Variants in SLC45A1 observed in about 807,000 individuals in gnomAD.
SLC45A1 encodes proton-associated sugar transporter A.
SLC45A1 carries 28 observed loss-of-function variants against 57.6 expected under a neutral mutation model. That is an observed-to-expected ratio of 0.49 (90% confidence interval 0.36 to 0.67). The LOEUF (loss-of-function observed/expected upper bound fraction) is 0.67. Among genes scored for constraint, SLC45A1 ranks in the 30% least tolerant of loss-of-function variants. The probability of loss-of-function intolerance (pLI) is 0.00; values close to 1 mark genes in which losing one functional copy is unlikely to be tolerated. For synonymous variants in SLC45A1, 459 were observed against 471.5 expected, an observed-to-expected ratio of 0.97 and a Z score of 0.34; for missense variants, 814 against 1,041.5, an observed-to-expected ratio of 0.78 and a Z score of 3.01.
rs1430893049 is a variant in SLC45A1, at chr1:8,335,987, GC to G, written c.1597+399del. ...GTCTTCAAGCACAGACCCCACACCT[GC>G]CTGCCCGTGTCTATTGCTGTTTGTA... On this transcript the variant is annotated intron_variant, in intron 6 of 8. Transcript: ENST00000471889. This position sits in a 1 kb window ranked among gnomAD's most constrained non-coding sequence, Gnocchi z 4.1. 6 of 201,046 alleles carry G rather than the reference GC, an allele frequency of 3.0e-5. No homozygotes were observed. The highest frequency in any genetic ancestry group is 5.0e-5 in the Non-Finnish European group (5 of 100,520). The allele number at this position is 201,046 out of a possible 1,614,324, so 12.5% of individuals were successfully genotyped here. A position where few individuals can be genotyped will look rare whatever the true frequency, so the allele number is the denominator to read the frequency against.
intron 1 of SLC45A1, 94 bp downstream of exon 1, chr1:8,318,280 G>T (rs1569914688): frequency 2.5e-6 from 1 of 405,422 alleles, no homozygotes; most frequent in East Asian, 3.6e-5. Context: ...AGGGCGCCGA[G>T]ACCGGGACCC....
In SLC45A1 at chr1:8,337,980, G is replaced by A; in HGVS notation, c.1762G>A (p.Ala588Thr). The A allele has an allele frequency of 6.2e-7, 1 of 1,613,914 alleles. No homozygotes were observed. Reference protein sequence around the residue: ...WGMCIYAFSAAFYSAILEKLE... With the variant: ...WGMCIYAFSATFYSAILEKLE... ...CATGTGTATCTACGCCTTCAGTGCT[G>A]CCTTCTACTCAGGTACCCGCTGCCA... The change falls in exon 7 of 9, where the codon GCC (alanine) becomes ACC (threonine). Residue 588 changes from alanine to threonine, a missense_variant. Ala to Thr is a moderately conservative substitution (Grantham distance 58). Transcript: ENST00000471889.
In SLC45A1 at chr1:8,335,549, T is replaced by C. The variant is rs1190466921; in HGVS notation, c.1556T>C (p.Met519Thr). 6.2e-7 allele frequency: 1 copy of C among 1,606,822 alleles called. No homozygotes were observed. Among genetic ancestry groups the C allele is most frequent in the Non-Finnish European group, 8.5e-7 (1 of 1,179,598 alleles). ...VGRLCSTICN[M>T]PKALRTLCVN... ...CGCCTCTGCTCCACCATCTGCAACA[T>C]GCCCAAGGCGCTACGCACCCTCTGC... The change falls in exon 6 of 9, where the codon ATG becomes ACG. Residue 519 changes from methionine (M) to threonine (T), a missense_variant. Met to Thr is a moderately conservative substitution (Grantham distance 81). Transcript: ENST00000471889. The surrounding 1 kb of genome is among the most constrained non-coding windows in gnomAD (Gnocchi z 4.1).
intron 1 of SLC45A1, among the ~76,000 whole-genome samples, chr1:8,322,759 A>G (rs1640072830): frequency 1.3e-5 from 2 of 152,220 alleles, no homozygotes; most frequent in South Asian, 2.1e-4. Context: ...TCAGAAATCA[A>G]TGTTGGGAAA....
At position 8,325,712 on chromosome 1, in the gene SLC45A1, G is replaced by A; in HGVS notation, c.491-106G>A. On this transcript the variant is annotated intron_variant, in intron 3 of 8. Transcript: ENST00000471889. This position sits in a 1 kb window ranked among gnomAD's most constrained non-coding sequence, Gnocchi z 6.3. ...CCACCGGGCTGTGCTTGAGGTTTAA[G>A]TTTTAAAAATTCTTGAGTCCTAAAG... The A allele has an allele frequency of 9.0e-7, 1 of 1,113,550 alleles. No homozygotes were observed. The highest frequency in any genetic ancestry group is 2.6e-5 in the East Asian group (1 of 38,844). 69.0% of individuals were successfully genotyped at this position (1,113,550 alleles called of 1,614,324 possible).
rs1007152301 is a variant in SLC45A1 at position 8,324,503 on chromosome 1, C to T, written c.174C>T (p.Pro58=). 2 of 1,605,686 alleles carry T rather than the reference C, an allele frequency of 1.2e-6. No homozygotes were observed. The highest frequency in any genetic ancestry group is 1.7e-6 in the Non-Finnish European group (2 of 1,174,082). Residue 58 remains proline (P), a synonymous_variant, in exon 2 of 9, where the codon CCC becomes CCT. Transcript: ENST00000471889. The stretch of plus-strand genomic sequence containing the variant: ...CCAAGAGGAGGAAGTGCATTCGTCC[C>T]TCCCCACCCCCGCCCCCCAACACCC... The part of the protein sequence containing the change: ...RHPKRRKCIR[P]SPPPPPNTPC...
intron 7 of SLC45A1, 107 bp from the exon 8 acceptor site, chr1:8,339,386 G>T: frequency 9.2e-7 from 1 of 1,091,174 alleles, no homozygotes; most frequent in Non-Finnish European, 1.4e-6. Context: ...GCCAAGCCGG[G>T]TCCCACCACT....
Position 8,335,095 on chromosome 1 carries a change from G to C in SLC45A1, c.1444-342G>C, listed in dbSNP as rs188926271. On this transcript the variant is annotated intron_variant, in intron 5 of 8. Transcript: ENST00000471889. The surrounding 1 kb of genome is among the most constrained non-coding windows in gnomAD (Gnocchi z 4.1). The stretch of plus-strand genomic sequence containing the variant: ...ACAAAAAAGAAAGGACTTCCTAGGC[G>C]TGTGGATCTGAACTGACCCATGTTT... 6.6e-6 allele frequency among the ~76,000 whole-genome samples: 1 copy of C among 152,160 alleles called. No individual in the cohort carries two copies. Among genetic ancestry groups the C allele is most frequent in the Non-Finnish European group, 1.5e-5 (1 of 68,038 alleles).
At chr1:8,333,304 C>CT (rs1271557755) in intron 5 of SLC45A1, among the ~76,000 whole-genome samples, 2 of 145,588 alleles carry the variant, frequency 1.4e-5, no homozygotes, top group East Asian at 2.0e-4. Flanking sequence ...TTTTTACTTA[C>CT]TTTTTTAAAA....
rs886284760 is a variant in SLC45A1, at chr1:8,326,336, T to C, written c.715+294T>C. 2.6e-5 allele frequency among the ~76,000 whole-genome samples: 4 copies of C among 152,232 alleles called. No homozygotes were observed. Among genetic ancestry groups the C allele is most frequent in the Non-Finnish European group, 5.9e-5 (4 of 68,042 alleles). On this transcript the variant is annotated intron_variant, in intron 4 of 8. Transcript: ENST00000471889. This position sits in a 1 kb window ranked among gnomAD's most constrained non-coding sequence, Gnocchi z 5.5. Reference sequence around the variant, plus strand: ...TGCAGAGTCACCACAAACACTGAATTAGCAAACACCGCATCTCGCTCCTAG... The same window carrying C: ...TGCAGAGTCACCACAAACACTGAATCAGCAAACACCGCATCTCGCTCCTAG...
At chr1:8,340,288 G>A (rs535814842) in intron 8 of SLC45A1, among the ~76,000 whole-genome samples, 9 of 151,162 alleles carry the variant, frequency 6.0e-5, no homozygotes, top group South Asian at 2.1e-4. Flanking sequence ...TCAGCCTCCC[G>A]AGTAACTGGG....
intron 5 of SLC45A1, among the ~76,000 whole-genome samples, chr1:8,334,867 A>G (rs1297904073): frequency 2.0e-5 from 3 of 152,138 alleles, no homozygotes; most frequent in Admixed American, 2.0e-4. Context: ...CCCAGAAAGA[A>G]ATCTAAGCCC....
intron 5 of SLC45A1, among the ~76,000 whole-genome samples, chr1:8,334,834 T>A (rs565787299): frequency 2.0e-4 from 30 of 152,280 alleles, no homozygotes; most frequent in African/African-American, 7.2e-4. Context: ...AGTGAAGATG[T>A]CCATGCAATG....
In SLC45A1 at chr1:8,344,068, C is replaced by A. The variant is rs988883054; in HGVS notation, c.*55C>A. 4.5e-6 allele frequency: 7 copies of A among 1,540,046 alleles called. No homozygotes were observed. In the African/African-American group the frequency reaches 6.8e-5, roughly 15 times the overall value. On this transcript the variant is annotated 3_prime_UTR_variant, in exon 9 of 9. Coordinates refer to ENST00000471889, the MANE Select transcript of SLC45A1 (RefSeq NM_001080397.3). ...CCTGCACCTGGGGGTCTGGAGCAGG[C>A]CGACCAGTGAGGACCAAAGGGCCTT...
chr1:8,319,488 C>A (rs78458435), intron 1 of SLC45A1, among the ~76,000 whole-genome samples: 2,039 of 152,320 alleles, frequency 0.013, 46 homozygotes, highest in African/African-American at 0.047. Context: ...TTTGAGGAAT[C>A]TGTTACTTTA....
At chr1:8,332,972 G>A (rs115428888) in intron 5 of SLC45A1, among the ~76,000 whole-genome samples, 1,644 of 152,248 alleles carry the variant, frequency 0.011, 33 homozygotes, top group African/African-American at 0.038. Context: ...CTCATCCCTC[G>A]AGGGAGTCAG....
Position 8,326,223 on chromosome 1 carries a change from A to T in SLC45A1, c.715+181A>T, listed in dbSNP as rs2124295881. Among the ~76,000 whole-genome samples the T allele has an allele frequency of 6.6e-6, 1 of 152,364 alleles. No homozygotes were observed. The highest frequency in any genetic ancestry group is 1.9e-4 in the East Asian group (1 of 5,190). On this transcript the variant is annotated intron_variant, in intron 4 of 8. Transcript: ENST00000471889. The surrounding 1 kb of genome is among the most constrained non-coding windows in gnomAD (Gnocchi z 5.5). ...ACACAACACATATCAACCACAACCT[A>T]TGCTGTTGACACATAAACAACAATT...
chr1:8,330,738 C>A lies in SLC45A1; in HGVS notation c.1245C>A (p.Asp415Glu), dbSNP rs975526404. 4.3e-6 allele frequency: 7 copies of A among 1,613,156 alleles called. No individual in the cohort carries two copies. In the African/African-American group the frequency reaches 9.3e-5, roughly 22 times the overall value. Residue 415 changes from aspartate (D) to glutamate (E), a missense_variant, in exon 5 of 9, where the codon GAC becomes GAA. By Grantham distance (45) the Asp-to-Glu change is conservative. Transcript: ENST00000471889. The surrounding 1 kb of genome is among the most constrained non-coding windows in gnomAD (Gnocchi z 8.4). ...CCCCCGACGGCTTCTACCGCCAGGA[C>A]CGTGGACTTCTGGAGGGCAGAGAGG... is the stretch of plus-strand genomic sequence containing the variant. ...PRAPDGFYRQ[D>E]RGLLEGREGA...
Position 8,330,795 on chromosome 1 carries a change from T to A in SLC45A1, c.1302T>A (p.Ile434=). ...TGACCTCCGGCTGTGACGGGGACAT[T>A]CTGAGGGTGGGCTCCTTGGACACCT... ...GALTSGCDGD[I]LRVGSLDTSK... is the part of the protein sequence containing the mutation. The change falls in exon 5 of 9, where the codon ATT becomes ATA. Residue 434 remains isoleucine, a synonymous_variant. Transcript: ENST00000471889. This position sits in a 1 kb window ranked among gnomAD's most constrained non-coding sequence, Gnocchi z 8.4. 2 of 1,613,458 alleles carry A rather than the reference T, an allele frequency of 1.2e-6. No individual in the cohort carries two copies. Among genetic ancestry groups the A allele is most frequent in the Non-Finnish European group, 1.7e-6 (2 of 1,180,040 alleles).
Sources: gnomAD v4.1 joint callset for allele counts (sites outside exome capture counted in the v4.1 genomes callset) on GRCh38, gnomAD v4.1.1 for gene constraint, Gnocchi (gnomAD v3.1) non-coding constraint, MANE v1.5 for transcripts, NCBI Gene and HGNC (gene_info 2026-07-23, HGNC 2026-07-21) for gene names.